MCM9: variants seen among roughly 807,000 people sequenced by gnomAD.
MCM9 encodes DNA helicase MCM9.
A neutral mutation model predicts 72.8 loss-of-function variants in MCM9; 55 were observed. The observed-to-expected ratio is 0.76, with a 90% CI of 0.61 to 0.95. The LOEUF is 0.95. Ranked by LOEUF, MCM9 falls within the 40% of genes least tolerant of loss-of-function variation. The pLI, the probability that MCM9 is intolerant of heterozygous loss-of-function variation, is 0.00. For synonymous variants in MCM9, 480 were observed against 503.4 expected, an observed-to-expected ratio of 0.95 and a Z score of 0.62; for missense variants, 1,279 against 1,377.0, an observed-to-expected ratio of 0.93 and a Z score of 1.13.
intron 8 of MCM9, among the ~76,000 whole-genome samples, chr6:118,888,182 C>T (rs1730939523): frequency 6.6e-6 from 1 of 151,942 alleles, no homozygotes; most frequent in African/African-American, 2.4e-5. Context: ...AAATGGTACA[C>T]CTGCTTTAAA....
At chr6:118,913,522 C>G in intron 6 of MCM9, 102 bp from the exon 7 acceptor site, 1 of 1,428,628 alleles carries the variant, frequency 7.0e-7, no homozygotes, top group African/African-American at 1.4e-5. Context: ...TAAATATACT[C>G]TACTATGTGA....
chr6:118,901,119 C>T (rs1779773653), intron 8 of MCM9: 1 of 378,960 alleles, frequency 2.6e-6, no homozygotes, highest in Non-Finnish European at 4.8e-6. Flanking sequence ...AGATGAACAA[C>T]CTACAGTAAA....
chr6:118,872,978 G>A (rs1283192690), intron 8 of MCM9, among the ~76,000 whole-genome samples: 1 of 151,880 alleles, frequency 6.6e-6, no homozygotes, highest in East Asian at 1.9e-4. Context: ...AGACCAGCCT[G>A]AGCAACAAAG....
chr6:118,884,878 C>T (rs1778502661), intron 8 of MCM9, among the ~76,000 whole-genome samples: 1 of 151,964 alleles, frequency 6.6e-6, no homozygotes, highest in Non-Finnish European at 1.5e-5. Context: ...TAAAACTAGG[C>T]AGATCAACAA....
intron 12 of MCM9, 138 bp from the exon 13 acceptor site, chr6:118,826,430 C>A: frequency 1.2e-6 from 1 of 852,314 alleles, no homozygotes; most frequent in Non-Finnish European, 1.7e-6. Flanking sequence ...ACTTGGGAGG[C>A]TTTTTCAACT....
intron 8 of MCM9, among the ~76,000 whole-genome samples, chr6:118,902,681 T>C (rs895255923): frequency 6.6e-5 from 10 of 152,162 alleles, no homozygotes; most frequent in Admixed American, 1.3e-4. Context: ...TTCAAAAGTA[T>C]TTCCTGCTGG....
At chr6:118,902,554 A>G (rs984553464) in intron 8 of MCM9, among the ~76,000 whole-genome samples, 8 of 123,238 alleles carry the variant, frequency 6.5e-5, no homozygotes, top group Non-Finnish European at 1.1e-4. Context: ...TTTGGCTACT[A>G]TAAGAACTTA....
intron 8 of MCM9, among the ~76,000 whole-genome samples, chr6:118,868,597 C>G (rs1037477180): frequency 6.6e-6 from 1 of 151,954 alleles, no homozygotes; most frequent in African/African-American, 2.4e-5. Context: ...CATCAAAAAG[C>G]GGGCAAAGGA....
At chr6:118,816,366 A>C in intron 13 of MCM9, 72 bp from the exon 14 acceptor site, 3 of 1,288,878 alleles carry the variant, frequency 2.3e-6, no homozygotes, top group Non-Finnish European at 3.1e-6. Context: ...TCATTTCTTT[A>C]GTCTCTGAGA....
chr6:118,885,781 G>C (rs1778558964), intron 8 of MCM9, among the ~76,000 whole-genome samples: 1 of 152,074 alleles, frequency 6.6e-6, no homozygotes. Context: ...CTTCTATAGA[G>C]AGAAAAGAGG....
intron 9 of MCM9, among the ~76,000 whole-genome samples, chr6:118,847,903 C>T (rs1184054292): frequency 2.0e-5 from 3 of 151,832 alleles, no homozygotes; most frequent in African/African-American, 7.3e-5. Context: ...ACATAGAAAG[C>T]AAGACTTTAG....
chr6:118,839,881 C>T (rs1722725214), intron 9 of MCM9, among the ~76,000 whole-genome samples: 1 of 152,156 alleles, frequency 6.6e-6, no homozygotes. Flanking sequence ...AGGTGTCTCC[C>T]AGTCAGGAGG....
At chr6:118,851,862 A>T (rs1036930419) in intron 9 of MCM9, among the ~76,000 whole-genome samples, 1 of 152,164 alleles carries the variant, frequency 6.6e-6, no homozygotes, top group Non-Finnish European at 1.5e-5. Flanking sequence ...GCGGTGGTCT[A>T]AAAAAGCAGC....
chr6:118,866,501 T>TA (rs889651822), intron 8 of MCM9, among the ~76,000 whole-genome samples: 1 of 152,072 alleles, frequency 6.6e-6, no homozygotes, highest in Non-Finnish European at 1.5e-5. Flanking sequence ...AGCATAAAAT[T>TA]ATCAATTGAA....
intron 9 of MCM9, among the ~76,000 whole-genome samples, chr6:118,836,933 A>G (rs1225425036): frequency 6.6e-6 from 1 of 151,932 alleles, no homozygotes; most frequent in African/African-American, 2.4e-5. Context: ...TTGTGACATA[A>G]TTGCTTCTCT....
In MCM9 at chr6:118,922,092, A is replaced by G; in HGVS notation, c.622-6T>C. Reference sequence around the variant, plus strand: ...CCAACAGATAGCCTTTGAACCTAGCAAAGAAAAGAAAACAGATTCTGAGTA... The same window carrying G: ...CCAACAGATAGCCTTTGAACCTAGCGAAGAAAAGAAAACAGATTCTGAGTA... On this transcript the variant is annotated splice_region_variant and splice_polypyrimidine_tract_variant and intron_variant, in intron 4 of 13. Coordinates refer to ENST00000619706, the MANE Select transcript of MCM9 (RefSeq NM_017696.3). 4 of 1,602,744 alleles carry G rather than the reference A, an allele frequency of 2.5e-6. No individual in the cohort carries two copies. Among genetic ancestry groups the G allele is most frequent in the Non-Finnish European group, 3.4e-6 (4 of 1,174,986 alleles).
chr6:118,826,378 G>T lies in MCM9; in HGVS notation c.1816-86C>A, dbSNP rs910191177. On this transcript the variant is annotated intron_variant, in intron 12 of 13. Coordinates refer to ENST00000619706, the MANE Select transcript of MCM9 (RefSeq NM_017696.3). The stretch of plus-strand genomic sequence containing the variant: ...CTCTAGGGACCAGCAATCCCCGGGG[G>T]CTAAGACCGCCGTTTACACCCCTAT... 10 of 1,399,156 alleles carry T rather than the reference G, an allele frequency of 7.1e-6. No individual in the cohort carries two copies. The African/African-American group carries it at 1.0e-4, about 14-fold the overall frequency. The allele number at this position is 1,399,156 out of a possible 1,614,324, so 86.7% of individuals were successfully genotyped here. A position where few individuals can be genotyped will look rare whatever the true frequency, so the allele number is the denominator to read the frequency against.
At chr6:118,874,302 T>C (rs74197206) in intron 8 of MCM9, among the ~76,000 whole-genome samples, 110,998 of 152,094 alleles carry the variant, frequency 0.73, 41,539 homozygotes, top group South Asian at 0.83. Context: ...AGGCCGTTGA[T>C]AAAACGGCCT....
At chr6:118,826,728 A>C (rs1774192527) in intron 12 of MCM9, 54 bp downstream of exon 12, 11 of 1,362,572 alleles carry the variant, frequency 8.1e-6, no homozygotes, top group Non-Finnish European at 2.0e-6. Flanking sequence ...TCCTTTTTTA[A>C]AAAAAAGAAA....
Sources: allele counts gnomAD v4.1 joint callset (sites outside exome capture counted in the v4.1 genomes callset), GRCh38; gene constraint gnomAD v4.1.1; transcripts MANE v1.5; gene names NCBI Gene and HGNC (gene_info 2026-07-23, HGNC 2026-07-21).